The following XPR1 variants were observed in gnomAD, a reference collection of about 807,000 sequenced individuals.
The protein encoded by XPR1 is xenotropic and polytropic retrovirus receptor 1.
A neutral mutation model predicts 87.5 loss-of-function variants in XPR1; 28 were observed. The ratio of observed to expected loss-of-function variants is 0.32; its 90% CI spans 0.24 to 0.44. XPR1 has a LOEUF of 0.44. Among genes scored for constraint, XPR1 ranks in the 20% least tolerant of loss-of-function variants. XPR1 has a pLI of 1.00. For synonymous variants in XPR1, 300 were observed against 306.1 expected (o/e 0.98, Z 0.21); for missense variants, 559 against 862.3 (o/e 0.65, Z 4.41).
At chr1:180,678,289 T>A (rs1020719020) in intron 1 of XPR1, among the ~76,000 whole-genome samples, 3 of 152,222 alleles carry the variant, frequency 2.0e-5, no homozygotes, top group Non-Finnish European at 4.4e-5. Flanking sequence ...TCTCCCTTCT[T>A]CAGAGGTCTG....
At position 180,884,147 on chromosome 1, in the gene XPR1, T is replaced by C. The variant is rs12084682; in HGVS notation, c.*81T>C. The stretch of plus-strand genomic sequence containing the variant: ...CGACCAACGCAACCTCTAGTACCTT[T>C]CCAGCCGAAAACAGGAGAAAACACA... On this transcript the variant is annotated 3_prime_UTR_variant, in exon 15 of 15. Transcript: ENST00000367590. 2,026 of 1,319,732 alleles carry C rather than the reference T, an allele frequency of 1.5e-3. 24 individuals carry two copies. In the African/African-American group the frequency reaches 0.026, roughly 17 times the overall value. 81.8% of individuals were successfully genotyped at this position (1,319,732 alleles called of 1,614,324 possible).
chr1:180,637,050 CAAAAAAAAAAA>C (rs34479247), intron 1 of XPR1, among the ~76,000 whole-genome samples: 1 of 81,602 alleles, frequency 1.2e-5, no homozygotes, highest in African/African-American at 5.0e-5. Context: ...GACTTCATCT[CAAAAAAAAAAA>C]AAAAAAAAAA....
chr1:180,772,939 G>A (rs1314085638), intron 2 of XPR1, among the ~76,000 whole-genome samples: 1 of 152,066 alleles, frequency 6.6e-6, no homozygotes, highest in Non-Finnish European at 1.5e-5. Context: ...ACAACCATGA[G>A]TTCACACTGT....
chr1:180,703,287 C>T (rs1402527414), intron 2 of XPR1, among the ~76,000 whole-genome samples: 3 of 152,100 alleles, frequency 2.0e-5, no homozygotes, highest in Non-Finnish European at 2.9e-5. Context: ...TTGGCACGCT[C>T]AGACTCAAGC....
chr1:180,676,519 T>C (rs1250659383), intron 1 of XPR1, among the ~76,000 whole-genome samples: 5 of 152,220 alleles, frequency 3.3e-5, no homozygotes. Flanking sequence ...AGCAATCTTT[T>C]GTTCATTTAC....
chr1:180,790,083 A>G (rs1571840537), intron 3 of XPR1, among the ~76,000 whole-genome samples: 2 of 152,266 alleles, frequency 1.3e-5, no homozygotes, highest in East Asian at 1.9e-4. Flanking sequence ...AAAGGCCATC[A>G]GCTTCTGTTG....
chr1:180,821,120 A>G (rs1348390548), intron 7 of XPR1, among the ~76,000 whole-genome samples: 3 of 151,920 alleles, frequency 2.0e-5, no homozygotes, highest in South Asian at 2.1e-4. Context: ...CTAAGAATCT[A>G]TTGCCAAATT....
At chr1:180,669,749 A>G (rs947808203) in intron 1 of XPR1, among the ~76,000 whole-genome samples, 1 of 152,186 alleles carries the variant, frequency 6.6e-6, no homozygotes, top group Non-Finnish European at 1.5e-5. Flanking sequence ...CAAACCCTAT[A>G]GGTACTATGT....
chr1:180,822,221 G>T (rs1571869456), intron 7 of XPR1, among the ~76,000 whole-genome samples: 1 of 152,142 alleles, frequency 6.6e-6, no homozygotes, highest in South Asian at 2.1e-4. Flanking sequence ...ATCTACTGCT[G>T]ACCAGTTCTT....
intron 2 of XPR1, among the ~76,000 whole-genome samples, chr1:180,736,390 C>G (rs368210559): frequency 3.9e-5 from 6 of 152,168 alleles, no homozygotes; most frequent in African/African-American, 1.4e-4. Flanking sequence ...GGAAGGTCAG[C>G]ATTAGCAAAC....
At chr1:180,706,842 A>T (rs1571747691) in intron 2 of XPR1, among the ~76,000 whole-genome samples, 1 of 151,832 alleles carries the variant, frequency 6.6e-6, no homozygotes, top group Non-Finnish European at 1.5e-5. Context: ...CTGGTCTCGA[A>T]CTCCTGACCT....
intron 1 of XPR1, among the ~76,000 whole-genome samples, chr1:180,659,108 CT>C (rs1469738018): frequency 3.8e-5 from 5 of 132,590 alleles, no homozygotes; most frequent in African/African-American, 1.8e-4. Context: ...CCCTCCCTCC[CT>C]TCCTCCCTCC....
chr1:180,690,045 A>G (rs1263536253), intron 2 of XPR1, among the ~76,000 whole-genome samples: 2 of 151,746 alleles, frequency 1.3e-5, no homozygotes, highest in African/African-American at 4.8e-5. Context: ...AAACCTGGCT[A>G]CTCTGGAGGC....
At chr1:180,678,230 A>G (rs1158408918) in intron 1 of XPR1, among the ~76,000 whole-genome samples, 1 of 152,244 alleles carries the variant, frequency 6.6e-6, no homozygotes, top group Non-Finnish European at 1.5e-5. Flanking sequence ...ACATAGGCAC[A>G]GTTGATTAAA....
At chr1:180,811,515 T>C (rs376761605) in intron 7 of XPR1, 27 bp downstream of exon 7, 1 of 1,575,508 alleles carries the variant, frequency 6.3e-7, no homozygotes, top group South Asian at 1.1e-5. Context: ...TTGAATTAAT[T>C]TATTCTTACC....
chr1:180,689,370 T>A (rs1656902916), intron 2 of XPR1, among the ~76,000 whole-genome samples: 1 of 152,192 alleles, frequency 6.6e-6, no homozygotes, highest in Admixed American at 6.5e-5. Flanking sequence ...TCTCTATTTT[T>A]AAAAGATTTA....
intron 14 of XPR1, among the ~76,000 whole-genome samples, chr1:180,880,892 A>G (rs1458509187): frequency 6.6e-6 from 1 of 152,222 alleles, no homozygotes; most frequent in Non-Finnish European, 1.5e-5. Context: ...CCATAAATGT[A>G]CAGTATATGG....
At chr1:180,743,854 TTAAAA>T (rs1382437862) in intron 2 of XPR1, among the ~76,000 whole-genome samples, 2 of 152,238 alleles carry the variant, frequency 1.3e-5, no homozygotes, top group African/African-American at 4.8e-5. Context: ...TTCACAGTTG[TTAAAA>T]TAAGCAATGA....
In XPR1 at chr1:180,880,143, G is replaced by C; in HGVS notation, c.1876G>C (p.Val626Leu). 6.2e-7 allele frequency: 1 copy of C among 1,614,204 alleles called. No homozygotes were observed. The highest frequency in any genetic ancestry group is 8.5e-7 in the Non-Finnish European group (1 of 1,180,040). The change falls in exon 14 of 15, where the codon GTG becomes CTG. Residue 626 changes from valine (V) to leucine (L), a missense_variant. Val to Leu is a conservative substitution (Grantham distance 32). Coordinates refer to ENST00000367590, the MANE Select transcript of XPR1 (RefSeq NM_004736.4). The stretch of plus-strand genomic sequence containing the variant: ...GAATAACTGTGGTGAATTCCGTGCT[G>C]TGCGGGACATCTCTGTGGCCCCCCT... ...HLNNCGEFRA[V>L]RDISVAPLNA...
Sources: allele counts gnomAD v4.1 joint callset (sites outside exome capture counted in the v4.1 genomes callset), GRCh38; gene constraint gnomAD v4.1.1; transcripts MANE v1.5; gene names NCBI Gene and HGNC (gene_info 2026-07-23, HGNC 2026-07-21).